Variants in SLC9B1 observed in about 807,000 individuals in gnomAD.
SLC9B1 encodes sodium/hydrogen exchanger 9B1.
SLC9B1 carries 32 observed loss-of-function variants against 51.7 expected under a neutral mutation model. The ratio of observed to expected loss-of-function variants is 0.62; its 90% CI spans 0.47 to 0.83. The LOEUF (loss-of-function observed/expected upper bound fraction) is 0.83, where lower values mean the gene tolerates loss of function less well. Among genes scored for constraint, SLC9B1 ranks in the 40% least tolerant of loss-of-function variants. The probability of loss-of-function intolerance (pLI) is 0.00; values close to 1 mark genes in which losing one functional copy is unlikely to be tolerated. For missense variants in SLC9B1, 406 were observed against 613.2 expected (o/e 0.66, Z 3.57); for synonymous variants, 145 against 212.7 (o/e 0.68, Z 2.77).
intron 3 of SLC9B1, among the ~76,000 whole-genome samples, chr4:102,988,235 G>A (rs1739761039): frequency 6.6e-6 from 1 of 152,076 alleles, no homozygotes; most frequent in African/African-American, 2.4e-5. Flanking sequence ...AATATCTTAA[G>A]CTCTAAATCT....
At chr4:103,019,025 C>T (rs1741583780) in intron 1 of SLC9B1, among the ~76,000 whole-genome samples, 1 of 152,118 alleles carries the variant, frequency 6.6e-6, no homozygotes. Context: ...AGTGTCATCC[C>T]ATCTTGCCCC....
chr4:102,979,595 A>C (rs1739247454), intron 3 of SLC9B1, among the ~76,000 whole-genome samples: 1 of 152,152 alleles, frequency 6.6e-6, no homozygotes, highest in Non-Finnish European at 1.5e-5. Context: ...TTTTCCAAGG[A>C]GATCTTACTT....
At chr4:102,970,473 G>C (rs747513545) in intron 3 of SLC9B1, among the ~76,000 whole-genome samples, 8 of 152,100 alleles carry the variant, frequency 5.3e-5, no homozygotes, top group Non-Finnish European at 1.2e-4. Context: ...TGCCTTACAA[G>C]AGCTCCTGAA....
At chr4:103,010,231 G>A (rs1003370963) in intron 1 of SLC9B1, among the ~76,000 whole-genome samples, 8 of 105,274 alleles carry the variant, frequency 7.6e-5, no homozygotes, top group Admixed American at 1.9e-4. Context: ...AGAAGTTCAA[G>A]ATCAAGGCAC....
intron 7 of SLC9B1, among the ~76,000 whole-genome samples, chr4:102,925,094 A>G (rs1736089115): frequency 6.6e-6 from 1 of 152,180 alleles, no homozygotes; most frequent in South Asian, 2.1e-4. Context: ...TGCTATAAAG[A>G]CACATGCACA....
intron 7 of SLC9B1, among the ~76,000 whole-genome samples, chr4:102,924,159 C>T (rs1736033511): frequency 6.6e-6 from 1 of 152,176 alleles, no homozygotes; most frequent in Non-Finnish European, 1.5e-5. Context: ...TCAAACTACA[C>T]TACAAGGCTA....
chr4:102,943,506 TACACACACAC>T (rs373442152), intron 6 of SLC9B1, among the ~76,000 whole-genome samples: 3 of 145,484 alleles, frequency 2.1e-5, no homozygotes, highest in African/African-American at 5.1e-5. Flanking sequence ...TGTGTATGTA[TACACACACAC>T]ACACACACAC....
At chr4:102,899,957 ACTT>A (rs1734712613), downstream of SLC9B1, among the ~76,000 whole-genome samples, 1 of 152,082 alleles carries the variant, frequency 6.6e-6, no homozygotes, top group South Asian at 2.1e-4. Context: ...AGGTTTTAGA[ACTT>A]CTGGCAGTTT....
At chr4:102,982,758 G>A (rs1368073598) in intron 3 of SLC9B1, among the ~76,000 whole-genome samples, 2 of 152,050 alleles carry the variant, frequency 1.3e-5, no homozygotes, top group Non-Finnish European at 2.9e-5. Context: ...TACTCACTTA[G>A]TAGTTGTTCC....
At chr4:102,946,237 G>C (rs534970944) in intron 5 of SLC9B1, among the ~76,000 whole-genome samples, 6 of 152,244 alleles carry the variant, frequency 3.9e-5, no homozygotes, top group African/African-American at 1.4e-4. Flanking sequence ...TGATAATGAT[G>C]GCTAGACATA....
chr4:102,995,300 C>A (rs1251866495), intron 1 of SLC9B1, among the ~76,000 whole-genome samples: 1 of 151,994 alleles, frequency 6.6e-6, no homozygotes, highest in Non-Finnish European at 1.5e-5. Context: ...TTCAGTACTG[C>A]AGAAAATAAA....
At chr4:102,992,332 A>G (rs1446864661) in intron 1 of SLC9B1, among the ~76,000 whole-genome samples, 2 of 152,280 alleles carry the variant, frequency 1.3e-5, no homozygotes, top group Non-Finnish European at 1.5e-5. Context: ...GCTAGCTTCA[A>G]ATATAAGTAG....
chr4:102,895,462 T>C (rs1266873551), intron 11 of SLC9B1, among the ~76,000 whole-genome samples: 1 of 152,154 alleles, frequency 6.6e-6, no homozygotes, highest in African/African-American at 2.4e-5. Context: ...ATATCAGTTA[T>C]ACATAATAAA....
chr4:102,919,263 T>C (rs1216699325), intron 7 of SLC9B1, among the ~76,000 whole-genome samples: 1 of 152,202 alleles, frequency 6.6e-6, no homozygotes, highest in Non-Finnish European at 1.5e-5. Context: ...TTCTATCACA[T>C]CATAAGGCTG....
intron 1 of SLC9B1, among the ~76,000 whole-genome samples, chr4:103,014,541 T>C (rs1225056498): frequency 2.6e-5 from 4 of 152,218 alleles, no homozygotes; most frequent in Non-Finnish European, 5.9e-5. Flanking sequence ...GTCCAAGAAA[T>C]GCTTTTTAGT....
In SLC9B1 at chr4:102,965,792, AAAAC is replaced by A. The variant is rs953070067; in HGVS notation, c.212-16369_212-16366del. On this transcript the variant is annotated intron_variant, in intron 3 of 11. Transcript: ENST00000296422. Reference sequence around the variant, plus strand: ...ATGAGCCTGTAAAATAATAAAAAAAAAAACAACAAGTTATTTACTTCCAAGATAC... The same window carrying A: ...ATGAGCCTGTAAAATAATAAAAAAAAAACAAGTTATTTACTTCCAAGATAC... 2.7e-3 allele frequency among the ~76,000 whole-genome samples: 405 copies of A among 152,300 alleles called. 4 individuals are homozygous for A. Among genetic ancestry groups the A allele is most frequent in the African/African-American group, 9.3e-3 (387 of 41,554 alleles).
chr4:102,930,432 T>A (rs546366611), intron 7 of SLC9B1, among the ~76,000 whole-genome samples: 138 of 152,148 alleles, frequency 9.1e-4, no homozygotes, highest in African/African-American at 2.7e-3. Flanking sequence ...TAAAAAAAAA[T>A]TTTTTTTGAG....
intron 6 of SLC9B1, among the ~76,000 whole-genome samples, chr4:102,943,722 AT>A (rs914198572): frequency 5.3e-5 from 8 of 152,174 alleles, no homozygotes; most frequent in Admixed American, 1.3e-4. Flanking sequence ...GAATGATACA[AT>A]GGGCTTTGGG....
intron 7 of SLC9B1, among the ~76,000 whole-genome samples, chr4:102,917,495 C>CTATATCTATATCTATATCTATATCTATAT (rs1560925729): frequency 7.8e-6 from 1 of 128,202 alleles, no homozygotes; most frequent in Non-Finnish European, 1.8e-5. Flanking sequence ...ATCTATATCT[C>CTATATCTATATCTATATCTATATCTATAT]CTATTGGTTC....
Sources: gnomAD v4.1 joint callset for allele counts (sites outside exome capture counted in the v4.1 genomes callset) on GRCh38, gnomAD v4.1.1 for gene constraint, MANE v1.5 for transcripts, NCBI Gene and HGNC (gene_info 2026-07-23, HGNC 2026-07-21) for gene names.